The following TRAF3IP2 variants were observed in gnomAD, a reference collection of about 807,000 sequenced individuals.
The protein encoded by TRAF3IP2 is E3 ubiquitin ligase TRAF3IP2.
Under a neutral mutation model 57.9 loss-of-function variants are expected in TRAF3IP2, and 35 were observed. That is an observed-to-expected ratio of 0.60 (90% CI 0.46 to 0.80). TRAF3IP2 has a LOEUF of 0.80. TRAF3IP2 is among the 30% of genes least tolerant of loss of function. TRAF3IP2 has a pLI of 0.00. For missense variants in TRAF3IP2, 556 were observed against 706.4 expected, an observed-to-expected ratio of 0.79 and a Z score of 2.41; for synonymous variants, 251 against 268.9, an observed-to-expected ratio of 0.93 and a Z score of 0.65.
At chr6:111,570,516 G>T (rs186696717) in intron 5 of TRAF3IP2, among the ~76,000 whole-genome samples, 1 of 152,070 alleles carries the variant, frequency 6.6e-6, no homozygotes, top group Non-Finnish European at 1.5e-5. Context: ...ATCTAGATGT[G>T]TCAATAATAA....
chr6:111,559,116 A>G lies in TRAF3IP2; in HGVS notation c.*289T>C. ...CTACTTGCTAAGCACTGAGAGGCCCAGAATGGACACATCAAACTGTCAGGA... is the reference window on the plus strand; with the variant it reads ...CTACTTGCTAAGCACTGAGAGGCCCGGAATGGACACATCAAACTGTCAGGA... On this transcript the variant is annotated 3_prime_UTR_variant, in exon 9 of 9. Coordinates refer to ENST00000368761, the MANE Select transcript of TRAF3IP2 (RefSeq NM_147686.4). 1 of 341,942 alleles carries G rather than the reference A, an allele frequency of 2.9e-6. No individual in the cohort carries two copies. The highest frequency in any genetic ancestry group is 5.3e-6 in the Non-Finnish European group (1 of 187,056). 21.2% of individuals were successfully genotyped at this position (341,942 alleles called of 1,614,324 possible). A position where few individuals can be genotyped will look rare whatever the true frequency, so the allele number is the denominator to read the frequency against.
chr6:111,575,787 C>T lies in TRAF3IP2; in HGVS notation c.1057G>A (p.Gly353Ser). The change falls in exon 4 of 9, where the codon GGT becomes AGT. Residue 353 changes from glycine to serine, a missense_variant. Gly to Ser is a moderately conservative substitution (Grantham distance 56, BLOSUM62 0). This residue lies in a region of TRAF3IP2 where 428 missense variants were observed against 498.7 expected (regional missense o/e 0.86). Coordinates refer to ENST00000368761, the MANE Select transcript of TRAF3IP2 (RefSeq NM_147686.4). ...CACTCCAAGGACTCCCCAGGAGCACCAGCTCTATTAGGTGGCTGGTGATGT... is the reference window on the plus strand; with the variant it reads ...CACTCCAAGGACTCCCCAGGAGCACTAGCTCTATTAGGTGGCTGGTGATGT... ...QPHHQPPNRA[G>S]APGESLECPA... The T allele has an allele frequency of 4.3e-6, 7 of 1,609,540 alleles. No individual in the cohort carries two copies. The highest frequency in any genetic ancestry group is 5.1e-6 in the Non-Finnish European group (6 of 1,178,622).
intron 1 of TRAF3IP2, among the ~76,000 whole-genome samples, chr6:111,593,571 G>T (rs1474336996): frequency 6.6e-6 from 1 of 152,092 alleles, no homozygotes; most frequent in Admixed American, 6.5e-5. Context: ...CTCCCACTTG[G>T]TATCAAACTT....
At chr6:111,571,287 A>G (rs1795824140) in intron 5 of TRAF3IP2, among the ~76,000 whole-genome samples, 1 of 152,150 alleles carries the variant, frequency 6.6e-6, no homozygotes, top group Admixed American at 6.5e-5. Flanking sequence ...TATGTTGTCC[A>G]GGCTGGTCTT....
At chr6:111,569,978 C>G (rs988969378) in intron 5 of TRAF3IP2, among the ~76,000 whole-genome samples, 2 of 152,106 alleles carry the variant, frequency 1.3e-5, no homozygotes, top group South Asian at 4.2e-4. Context: ...TATGTTGAAG[C>G]CCTATCTCCC....
At chr6:111,604,754 A>G (rs1371715374) in intron 1 of TRAF3IP2, among the ~76,000 whole-genome samples, 1 of 152,216 alleles carries the variant, frequency 6.6e-6, no homozygotes, top group Non-Finnish European at 1.5e-5. Flanking sequence ...TCTGGGAGGT[A>G]GAAAAATATC....
At chr6:111,594,690 G>A (rs545153826) in intron 1 of TRAF3IP2, among the ~76,000 whole-genome samples, 13 of 152,114 alleles carry the variant, frequency 8.5e-5, no homozygotes, top group Non-Finnish European at 1.5e-4. Flanking sequence ...GAGGCAGGAG[G>A]ATTACTTGAC....
At chr6:111,585,879 C>T (rs1270730784) in intron 2 of TRAF3IP2, among the ~76,000 whole-genome samples, 1 of 152,198 alleles carries the variant, frequency 6.6e-6, no homozygotes, top group Non-Finnish European at 1.5e-5. Context: ...CTGTGATCTT[C>T]TTGGCCTGAG....
intron 8 of TRAF3IP2, 92 bp downstream of exon 8, chr6:111,562,873 A>T: frequency 2.0e-6 from 2 of 1,013,986 alleles, no homozygotes; most frequent in South Asian, 3.0e-5. Flanking sequence ...AAGAAAGAAA[A>T]AAAGAATGGA....
At chr6:111,578,059 A>G (rs1325848487) in intron 3 of TRAF3IP2, among the ~76,000 whole-genome samples, 1 of 152,226 alleles carries the variant, frequency 6.6e-6, no homozygotes, top group African/African-American at 2.4e-5. Context: ...AAGTGATAAA[A>G]TAGATCAAGA....
chr6:111,590,449 G>A (rs192548851), intron 2 of TRAF3IP2, among the ~76,000 whole-genome samples: 1 of 152,108 alleles, frequency 6.6e-6, no homozygotes, highest in Admixed American at 6.5e-5. Context: ...GTATGATGGT[G>A]GTTGCATAAC....
intron 1 of TRAF3IP2, among the ~76,000 whole-genome samples, chr6:111,599,637 A>G (rs1290140283): frequency 2.0e-5 from 3 of 151,954 alleles, no homozygotes. Context: ...TTTTAGCACA[A>G]TCTTCCTTAA....
At chr6:111,597,231 C>T (rs1050622466) in intron 1 of TRAF3IP2, among the ~76,000 whole-genome samples, 1 of 152,162 alleles carries the variant, frequency 6.6e-6, no homozygotes, top group Non-Finnish European at 1.5e-5. Context: ...TAGGTCTGGG[C>T]CATGCCCAAA....
intron 1 of TRAF3IP2, among the ~76,000 whole-genome samples, chr6:111,592,923 C>A (rs1363924789): frequency 1.3e-5 from 2 of 152,144 alleles, no homozygotes; most frequent in African/African-American, 4.8e-5. Flanking sequence ...TGTAGTTGAA[C>A]CAGCAAGGCT....
At chr6:111,601,430 G>A in intron 1 of TRAF3IP2, 1 of 471,564 alleles carries the variant, frequency 2.1e-6, no homozygotes, top group South Asian at 3.2e-5. Context: ...GATGATAAAT[G>A]GTGATGCATC....
rs528652274 is a variant in TRAF3IP2, at chr6:111,603,657, CTCCTCT to C, written c.-9+2113_-9+2118del. Among the ~76,000 whole-genome samples the C allele has an allele frequency of 4.2e-3, 623 of 147,464 alleles. 3 individuals carry two copies. Among genetic ancestry groups the C allele is most frequent in the African/African-American group, 0.016 (585 of 36,944 alleles). Reference sequence around the variant, plus strand: ...GAATGCCTGCAGATATGACTGTCTTCTCCTCTTCTTTTTCTTTTCAGAGCATTTGAA... The same window carrying C: ...GAATGCCTGCAGATATGACTGTCTTCTCTTTTTCTTTTCAGAGCATTTGAA... On this transcript the variant is annotated intron_variant, in intron 1 of 8. Transcript: ENST00000368761.
In TRAF3IP2 at chr6:111,558,482, GAGTGC is replaced by G. The variant is rs1264198154; in HGVS notation, c.*918_*922del. The G allele has an allele frequency of 6.6e-6, 1 of 152,268 alleles. No homozygotes were observed. Among genetic ancestry groups the G allele is most frequent in the Non-Finnish European group, 1.5e-5 (1 of 68,064 alleles). 9.4% of individuals were successfully genotyped at this position (152,268 alleles called of 1,614,324 possible). ...GAGTCTCGCTCTGTCTCCCAAGCTAGAGTGCAGTGACATGATCTCGGCTCACTGCA... is the reference window on the plus strand; with the variant it reads ...GAGTCTCGCTCTGTCTCCCAAGCTAGAGTGACATGATCTCGGCTCACTGCA... On this transcript the variant is annotated 3_prime_UTR_variant, in exon 9 of 9. Transcript: ENST00000368761.
In TRAF3IP2 at chr6:111,556,579, C is replaced by G. The variant is rs1795246968; in HGVS notation, c.*2826G>C. 1 of 152,030 alleles carries G rather than the reference C, an allele frequency of 6.6e-6. No homozygotes were observed. The highest frequency in any genetic ancestry group is 1.5e-5 in the Non-Finnish European group (1 of 68,018). The allele number at this position is 152,030 out of a possible 1,614,324, so 9.4% of individuals were successfully genotyped here. On this transcript the variant is annotated 3_prime_UTR_variant, in exon 9 of 9. Transcript: ENST00000368761. ...GTGTTTGGGTGTTTTCCAGGTTATC[C>G]AAATATGAAAGTCAGTTCTACCAGG... is the stretch of plus-strand genomic sequence containing the variant.
chr6:111,587,481 C>CTG (rs1796376080), intron 2 of TRAF3IP2, among the ~76,000 whole-genome samples: 1 of 152,060 alleles, frequency 6.6e-6, no homozygotes, highest in African/African-American at 2.4e-5. Flanking sequence ...TCTTGAACTC[C>CTG]TGACCTCAAG....
Sources: gnomAD v4.1 joint callset for allele counts (sites outside exome capture counted in the v4.1 genomes callset) on GRCh38, gnomAD v4.1.1 for gene constraint, gnomAD v4.1.1 regional missense constraint, MANE v1.5 for transcripts, NCBI Gene and HGNC (gene_info 2026-07-23, HGNC 2026-07-21) for gene names.